Variants in KCMF1 observed in about 807,000 individuals in gnomAD.
KCMF1 encodes the protein potassium channel modulatory factor 1, also known as E3 ubiquitin-protein ligase KCMF1.
KCMF1 carries 3 observed loss-of-function variants against 41.1 expected under a neutral mutation model. The ratio of observed to expected loss-of-function variants is 0.07; its 90% CI spans 0.03 to 0.19. The LOEUF (loss-of-function observed/expected upper bound fraction) is 0.19. Among genes scored for constraint, KCMF1 ranks in the 10% least tolerant of loss-of-function variants. The pLI, the probability that KCMF1 is intolerant of heterozygous loss-of-function variation, is 1.00. For missense variants in KCMF1, 286 were observed against 488.9 expected, an observed-to-expected ratio of 0.58 and a Z score of 3.91; for synonymous variants, 142 against 164.5, an observed-to-expected ratio of 0.86 and a Z score of 1.04.
intron 2 of KCMF1, among the ~76,000 whole-genome samples, chr2:85,033,614 G>GGTGAGA (rs1675335768): frequency 6.6e-6 from 1 of 152,048 alleles, no homozygotes; most frequent in Non-Finnish European, 1.5e-5. Context: ...CACTCTCAAG[G>GGTGAGA]GAGCTAATTC....
chr2:85,008,291 T>TAATATATAATATGATATATATATC (rs1674531805), intron 1 of KCMF1, among the ~76,000 whole-genome samples: 1 of 14,622 alleles, frequency 6.8e-5, no homozygotes, highest in Non-Finnish European at 1.7e-4. Context: ...TGATATATAA[T>TAATATATAATATGATATATATATC]ATATATAATA....
intron 1 of KCMF1, among the ~76,000 whole-genome samples, chr2:84,991,118 C>T (rs1406179325): frequency 6.6e-6 from 1 of 152,018 alleles, no homozygotes; most frequent in African/African-American, 2.4e-5. Context: ...GGTGGCCTGG[C>T]CCAGATGTAT....
chr2:85,037,769 G>A (rs1675437578), intron 3 of KCMF1, among the ~76,000 whole-genome samples: 1 of 152,060 alleles, frequency 6.6e-6, no homozygotes, highest in Non-Finnish European at 1.5e-5. Flanking sequence ...CTAGACCAGG[G>A]TTCCCCAACC....
chr2:85,017,012 CTTTTTTTTTTTTT>C (rs768880385), intron 1 of KCMF1, among the ~76,000 whole-genome samples: 1,255 of 99,574 alleles, frequency 0.013, 20 homozygotes, highest in South Asian at 0.022. Context: ...AGATCCTCTT[CTTTTTTTTTTTTT>C]TTTTTTTTTT....
rs1229743109 is a variant in KCMF1 at position 84,972,835 on chromosome 2, T to C, written c.16+1368T>C. Among the ~76,000 whole-genome samples, 3 of 152,198 alleles carry C rather than the reference T, an allele frequency of 2.0e-5. No individual in the cohort carries two copies. In the East Asian group the frequency reaches 5.8e-4, roughly 29 times the overall value. On this transcript the variant is annotated intron_variant, in intron 1 of 6. Coordinates refer to ENST00000409785, the MANE Select transcript of KCMF1 (RefSeq NM_020122.5). ...AAAGTTACAAAACTAATATGAAATA[T>C]ACTATATTTTCTTCGCAAAGCATTT...
chr2:84,997,227 T>C (rs1293393459), intron 1 of KCMF1, among the ~76,000 whole-genome samples: 1 of 152,154 alleles, frequency 6.6e-6, no homozygotes, highest in Non-Finnish European at 1.5e-5. Context: ...CCTCATAAAA[T>C]TGCTTGTTTC....
Position 85,040,846 on chromosome 2 carries a change from C to T in KCMF1, c.325-2718C>T, listed in dbSNP as rs531474498. 4.6e-5 allele frequency among the ~76,000 whole-genome samples: 7 copies of T among 151,954 alleles called. No individual in the cohort carries two copies. In the East Asian group the frequency reaches 7.7e-4, roughly 17 times the overall value. ...TGCGATCTTGGCTCACTGCAACCTC[C>T]GCTTCCCGGGTTCAAGTGATTCTCC... On this transcript the variant is annotated intron_variant, in intron 3 of 6. Coordinates refer to ENST00000409785, the MANE Select transcript of KCMF1 (RefSeq NM_020122.5).
intron 1 of KCMF1, among the ~76,000 whole-genome samples, chr2:84,985,986 T>C (rs1673892227): frequency 6.6e-6 from 1 of 152,218 alleles, no homozygotes; most frequent in Admixed American, 6.5e-5. Context: ...ATAGTACTTA[T>C]CACTACTTTG....
At chr2:85,002,525 A>T (rs1328108511) in intron 1 of KCMF1, among the ~76,000 whole-genome samples, 1 of 152,076 alleles carries the variant, frequency 6.6e-6, no homozygotes, top group Non-Finnish European at 1.5e-5. Flanking sequence ...AATAGTTTGC[A>T]TTACATTGGT....
chr2:85,013,150 T>C (rs1482386098), intron 1 of KCMF1, among the ~76,000 whole-genome samples: 1 of 152,212 alleles, frequency 6.6e-6, no homozygotes, highest in African/African-American at 2.4e-5. Context: ...TTAGTCTTCA[T>C]ACTGTTTTAA....
At chr2:84,991,919 A>G (rs902903147) in intron 1 of KCMF1, among the ~76,000 whole-genome samples, 3 of 152,186 alleles carry the variant, frequency 2.0e-5, no homozygotes, top group African/African-American at 4.8e-5. Context: ...TGCTGCTGGT[A>G]TGAGAGACCC....
chr2:85,021,378 C>T (rs1017561790), intron 1 of KCMF1, among the ~76,000 whole-genome samples: 1 of 152,230 alleles, frequency 6.6e-6, no homozygotes, highest in East Asian at 1.9e-4. Context: ...AATCCCAGCA[C>T]TTTGGGAGGC....
Position 85,053,898 on chromosome 2 carries a change from T to C in KCMF1, c.*489T>C, listed in dbSNP as rs1191705852. On this transcript the variant is annotated 3_prime_UTR_variant, in exon 7 of 7. Coordinates refer to ENST00000409785, the MANE Select transcript of KCMF1 (RefSeq NM_020122.5). ...CAAAGCTTTCCCAAACATTATTCAA[T>C]GGTTACACGACGAAGTAGCTTTTGA... The C allele has an allele frequency of 6.5e-6, 1 of 152,830 alleles. No homozygotes were observed. The highest frequency in any genetic ancestry group is 2.4e-5 in the African/African-American group (1 of 41,434). The allele number at this position is 152,830 out of a possible 1,614,324, so 9.5% of individuals were successfully genotyped here. A position where few individuals can be genotyped will look rare whatever the true frequency, so the allele number is the denominator to read the frequency against.
chr2:84,994,555 C>T (rs369491666), intron 1 of KCMF1, among the ~76,000 whole-genome samples: 8 of 152,112 alleles, frequency 5.3e-5, no homozygotes, highest in South Asian at 2.1e-4. Flanking sequence ...AGGCATGCGC[C>T]GCCACACCCA....
chr2:85,018,448 TTA>T, intron 1 of KCMF1, among the ~76,000 whole-genome samples: 1 of 151,956 alleles, frequency 6.6e-6, no homozygotes, highest in Non-Finnish European at 1.5e-5. Flanking sequence ...TTTTGTATAT[TTA>T]GTAGAGATGG....
At chr2:85,008,009 C>G (rs1674513918) in intron 1 of KCMF1, among the ~76,000 whole-genome samples, 1 of 151,854 alleles carries the variant, frequency 6.6e-6, no homozygotes, top group African/African-American at 2.4e-5. Context: ...GTGATCCACC[C>G]ATCTTGACCT....
intron 1 of KCMF1, among the ~76,000 whole-genome samples, chr2:85,020,399 T>C (rs1674901811): frequency 6.6e-6 from 1 of 152,206 alleles, no homozygotes; most frequent in South Asian, 2.1e-4. Flanking sequence ...AGTGTTATGC[T>C]TAAAGCATCG....
intron 1 of KCMF1, among the ~76,000 whole-genome samples, chr2:85,026,584 G>A (rs190869307): frequency 6.6e-5 from 10 of 151,730 alleles, no homozygotes; most frequent in Admixed American, 2.0e-4. Context: ...GAGCTCCTGG[G>A]CTCAAGCATT....
chr2:85,022,600 T>C (rs1488926389), intron 1 of KCMF1, among the ~76,000 whole-genome samples: 1 of 151,862 alleles, frequency 6.6e-6, no homozygotes, highest in African/African-American at 2.4e-5. Flanking sequence ...TGTTTTTGTT[T>C]AGAAGGAAGG....
Sources: gnomAD v4.1 joint callset for allele counts (sites outside exome capture counted in the v4.1 genomes callset) on GRCh38, gnomAD v4.1.1 for gene constraint, MANE v1.5 for transcripts, NCBI Gene and HGNC (gene_info 2026-07-23, HGNC 2026-07-21) for gene names.